Variants in L3MBTL4 observed in about 807,000 individuals in gnomAD.
L3MBTL4 encodes lethal(3)malignant brain tumor-like protein 4.
In L3MBTL4, 70 loss-of-function variants were observed where a neutral mutation model predicts 84.5. The observed-to-expected ratio is 0.83, with a 90% CI of 0.68 to 1.01. The LOEUF is 1.01. L3MBTL4 is among the 50% of genes least tolerant of loss of function. L3MBTL4 has a pLI of 0.00. For missense variants in L3MBTL4, 715 were observed against 754.8 expected, an observed-to-expected ratio of 0.95 and a Z score of 0.62; for synonymous variants, 274 against 259.8, an observed-to-expected ratio of 1.05 and a Z score of -0.52.
chr18:6,373,748 T>C (rs1202041126), intron 1 of L3MBTL4, among the ~76,000 whole-genome samples: 1 of 151,122 alleles, frequency 6.6e-6, no homozygotes, highest in African/African-American at 2.4e-5. Flanking sequence ...ACAAACTCCA[T>C]CAGATCTGCC....
intron 1 of L3MBTL4, among the ~76,000 whole-genome samples, chr18:6,335,214 C>T (rs2052268915): frequency 6.6e-6 from 1 of 152,164 alleles, no homozygotes; most frequent in East Asian, 1.9e-4. Flanking sequence ...CCTCAGCCTC[C>T]TGAGTAGTTG....
intron 16 of L3MBTL4, among the ~76,000 whole-genome samples, chr18:6,077,720 TA>T (rs59029384): frequency 0.083 from 11,593 of 139,174 alleles, 1,047 homozygotes; most frequent in African/African-American, 0.23. Flanking sequence ...CCATTTTCCT[TA>T]AAAAAAAAAA....
chr18:6,182,627 G>T lies in L3MBTL4; in HGVS notation c.982-10685C>A, dbSNP rs189404276. ...GAAATCTTTGCCAGGTTCTATATACGGAATAGTATTTCCTAGGTTGTCTTC... is the reference window on the plus strand; with the variant it reads ...GAAATCTTTGCCAGGTTCTATATACTGAATAGTATTTCCTAGGTTGTCTTC... On this transcript the variant is annotated intron_variant, in intron 12 of 18. Coordinates refer to ENST00000317931, the MANE Select transcript of L3MBTL4 (RefSeq NM_001330559.2). 1.6e-3 allele frequency among the ~76,000 whole-genome samples: 240 copies of T among 152,092 alleles called. 2 individuals carry two copies. Among genetic ancestry groups the T allele is most frequent in the African/African-American group, 5.5e-3 (227 of 41,496 alleles).
At chr18:6,087,780 A>G (rs572764110) in intron 15 of L3MBTL4, among the ~76,000 whole-genome samples, 1 of 152,298 alleles carries the variant, frequency 6.6e-6, no homozygotes, top group East Asian at 1.9e-4. Context: ...AAAAATGGAG[A>G]AAAGACATGG....
intron 5 of L3MBTL4, among the ~76,000 whole-genome samples, chr18:6,248,601 T>C (rs1008089977): frequency 1.3e-5 from 2 of 152,234 alleles, no homozygotes. Context: ...TTTTCTGGTT[T>C]ATGCTTCCGA....
intron 13 of L3MBTL4, among the ~76,000 whole-genome samples, chr18:6,160,182 G>C (rs772660017): frequency 6.6e-6 from 1 of 152,164 alleles, no homozygotes; most frequent in African/African-American, 2.4e-5. Flanking sequence ...ACAGAGTGAG[G>C]AGCAAGGGTG....
intron 14 of L3MBTL4, among the ~76,000 whole-genome samples, chr18:6,102,849 G>A (rs1268749866): frequency 1.3e-5 from 2 of 152,108 alleles, no homozygotes; most frequent in African/African-American, 4.8e-5. Context: ...TAATTGGGCT[G>A]GCACATTATC....
At chr18:6,204,720 C>G (rs555652993) in intron 12 of L3MBTL4, among the ~76,000 whole-genome samples, 113 of 152,324 alleles carry the variant, frequency 7.4e-4, no homozygotes, top group African/African-American at 2.6e-3. Flanking sequence ...CATCTTTGAG[C>G]ACAATGCTCC....
At chr18:6,342,837 A>G (rs958910122) in intron 1 of L3MBTL4, among the ~76,000 whole-genome samples, 1 of 152,182 alleles carries the variant, frequency 6.6e-6, no homozygotes, top group African/African-American at 2.4e-5. Flanking sequence ...TTTCTAAGAG[A>G]CTGACATTAG....
chr18:6,319,090 A>G (rs1311081007), intron 1 of L3MBTL4, among the ~76,000 whole-genome samples: 1 of 152,134 alleles, frequency 6.6e-6, no homozygotes, highest in African/African-American at 2.4e-5. Context: ...GAGTGACAAC[A>G]GTGACACAAA....
Position 5,956,625 on chromosome 18 carries a change from C to T in L3MBTL4, c.1678-238G>A, listed in dbSNP as rs936152095. On this transcript the variant is annotated intron_variant, in intron 18 of 18. Coordinates refer to ENST00000317931, the MANE Select transcript of L3MBTL4 (RefSeq NM_001330559.2). The stretch of plus-strand genomic sequence containing the variant: ...GAAAAGATGCTCATGCTGTTAAATA[C>T]GAATTCAATATACACGAACTGTTCC... 5.3e-5 allele frequency among the ~76,000 whole-genome samples: 8 copies of T among 152,248 alleles called. No homozygotes were observed. In the East Asian group the frequency reaches 5.8e-4, roughly 11 times the overall value.
intron 16 of L3MBTL4, among the ~76,000 whole-genome samples, chr18:6,003,056 T>C (rs1270336749): frequency 8.8e-6 from 1 of 114,246 alleles, no homozygotes; most frequent in Non-Finnish European, 1.8e-5. Context: ...ATATAAAATA[T>C]AGTATCTCTA....
At chr18:6,291,885 A>G (rs910150791) in intron 4 of L3MBTL4, among the ~76,000 whole-genome samples, 1 of 152,212 alleles carries the variant, frequency 6.6e-6, no homozygotes, top group Non-Finnish European at 1.5e-5. Flanking sequence ...TGTACAGCGA[A>G]AGGAACCATC....
chr18:6,383,068 G>A (rs1417642104), intron 1 of L3MBTL4, among the ~76,000 whole-genome samples: 2 of 152,112 alleles, frequency 1.3e-5, no homozygotes, highest in African/African-American at 4.8e-5. Flanking sequence ...GTTTCAGTAG[G>A]CTCTGCCCAG....
chr18:6,138,926 G>A (rs546556453), intron 13 of L3MBTL4, among the ~76,000 whole-genome samples: 3 of 152,236 alleles, frequency 2.0e-5, no homozygotes, highest in East Asian at 1.9e-4. Flanking sequence ...CTGAGAATGC[G>A]AATACGTAAG....
At position 6,138,288 on chromosome 18, in the gene L3MBTL4, C is replaced by G. The variant is rs765829900; in HGVS notation, c.1105G>C (p.Asp369His). The G allele has an allele frequency of 1.9e-6, 3 of 1,608,926 alleles. No individual in the cohort carries two copies. Among genetic ancestry groups the G allele is most frequent in the Non-Finnish European group, 2.5e-6 (3 of 1,176,836 alleles). The change falls in exon 14 of 19, where the codon GAC (aspartate) becomes CAC (histidine). Residue 369 changes from aspartate (D) to histidine (H), a missense_variant. Transcript: ENST00000317931. ...HPLEVPQRTN[D>H]LKILPGQAVC... is the part of the protein sequence containing the mutation. ...GCTTGACCTGGAAGGATCTTCAGGT[C>G]ATTCGTTCCTTCAGGAAGTAAAAGA...
At chr18:6,227,590 C>T (rs1450088868) in intron 10 of L3MBTL4, among the ~76,000 whole-genome samples, 1 of 152,088 alleles carries the variant, frequency 6.6e-6, no homozygotes, top group Non-Finnish European at 1.5e-5. Flanking sequence ...AGAAAATGTA[C>T]ACCAAGAGAG....
At chr18:6,068,444 C>A (rs539840725) in intron 16 of L3MBTL4, among the ~76,000 whole-genome samples, 2 of 152,296 alleles carry the variant, frequency 1.3e-5, no homozygotes, top group Admixed American at 1.3e-4. Flanking sequence ...GAAGCCACCT[C>A]AGCTCCCCTG....
chr18:6,320,676 T>C (rs1432162797), intron 1 of L3MBTL4, among the ~76,000 whole-genome samples: 3 of 152,104 alleles, frequency 2.0e-5, no homozygotes, highest in Non-Finnish European at 2.9e-5. Flanking sequence ...CTCAAAACAA[T>C]CTACAAATTC....
Sources: gnomAD v4.1 joint callset for allele counts (sites outside exome capture counted in the v4.1 genomes callset) on GRCh38, gnomAD v4.1.1 for gene constraint, MANE v1.5 for transcripts, NCBI Gene and HGNC (gene_info 2026-07-23, HGNC 2026-07-21) for gene names.